Variants in CDYL observed in about 807,000 individuals in gnomAD.
CDYL encodes the protein chromodomain Y-like protein.
A neutral mutation model predicts 47.3 loss-of-function variants in CDYL; 8 were observed. The observed-to-expected ratio is 0.17, with a 90% CI of 0.10 to 0.31. The LOEUF is 0.31. CDYL is among the 10% of genes least tolerant of loss of function. The probability of loss-of-function intolerance (pLI) is 1.00; values close to 1 mark genes in which losing one functional copy is unlikely to be tolerated. For synonymous variants in CDYL, 266 were observed against 265.0 expected (o/e 1.00, Z -0.04); for missense variants, 471 against 701.4 (o/e 0.67, Z 3.71).
At chr6:4,734,880 T>TC in intron 3 of CDYL, 1 of 1,612,452 alleles carries the variant, frequency 6.2e-7, no homozygotes, top group Non-Finnish European at 8.5e-7. Flanking sequence ...AAGCTTGGAG[T>TC]CCATCTGGCA....
chr6:4,883,902 C>A (rs144905961), intron 1 of CDYL, among the ~76,000 whole-genome samples: 1 of 152,284 alleles, frequency 6.6e-6, no homozygotes, highest in Non-Finnish European at 1.5e-5. Flanking sequence ...TCCATCAGAT[C>A]CTGTAGTCCT....
chr6:4,723,856 T>A (rs1047955494), intron 2 of CDYL, among the ~76,000 whole-genome samples: 1 of 152,204 alleles, frequency 6.6e-6, no homozygotes, highest in Non-Finnish European at 1.5e-5. Flanking sequence ...AAAAACTGAG[T>A]GTTTAGGTCT....
Position 4,892,288 on chromosome 6 carries a change from G to A in CDYL, c.600G>A (p.Met200Ile), listed in dbSNP as rs1312045097. ...GCCCCGGTGCCGAGAGGGCCAGGAT[G>A]GGGAGCAGGCCCAGGATACACCCAC... is the stretch of plus-strand genomic sequence containing the variant. Reference protein sequence around the residue: ...LLGPGAERARMGSRPRIHPLV... With the variant: ...LLGPGAERARIGSRPRIHPLV... Residue 200 changes from methionine to isoleucine, a missense_variant, in exon 2 of 7, where the codon ATG (methionine) becomes ATA (isoleucine). By Grantham distance (10) the Met-to-Ile change is conservative (BLOSUM62 1). This residue lies in a region of CDYL where 311 missense variants were observed against 350.0 expected (regional missense o/e 0.89). Coordinates refer to ENST00000397588, the MANE Select transcript of CDYL (RefSeq NM_004824.4). The A allele has an allele frequency of 6.2e-7, 1 of 1,614,166 alleles. No homozygotes were observed. Among genetic ancestry groups the A allele is most frequent in the South Asian group, 1.1e-5 (1 of 91,080 alleles).
chr6:4,769,928 C>T lies in CDYL; in HGVS notation c.186+35084C>T, dbSNP rs367649518. On this transcript the variant is annotated intron_variant, in intron 3 of 8. Transcript: ENST00000328908. ...TCTCCTGCCTCAGCCTCCCAAGTAGCGGGGACTACAGGCGACCGCCACCAC... is the reference window on the plus strand; with the variant it reads ...TCTCCTGCCTCAGCCTCCCAAGTAGTGGGGACTACAGGCGACCGCCACCAC... 1.7e-4 allele frequency among the ~76,000 whole-genome samples: 25 copies of T among 151,434 alleles called. No individual in the cohort carries two copies. The East Asian group carries it at 2.9e-3, about 18-fold the overall frequency.
intron 2 of CDYL, among the ~76,000 whole-genome samples, chr6:4,925,167 A>G (rs1343697523): frequency 2.0e-5 from 3 of 152,172 alleles, no homozygotes; most frequent in African/African-American, 7.2e-5. Flanking sequence ...GCGGTTGTGC[A>G]TTCACTGACT....
chr6:4,914,209 T>TTC (rs1472809500), intron 2 of CDYL, among the ~76,000 whole-genome samples: 12 of 150,712 alleles, frequency 8.0e-5, no homozygotes, highest in African/African-American at 2.9e-4. Context: ...AGAGTTCTTT[T>TTC]TTTTTTTTTT....
At chr6:4,895,786 C>T (rs1238069946) in intron 2 of CDYL, among the ~76,000 whole-genome samples, 3 of 152,176 alleles carry the variant, frequency 2.0e-5, no homozygotes, top group Non-Finnish European at 4.4e-5. Context: ...CAACAAGAAC[C>T]TTCATTCCTT....
In CDYL at chr6:4,815,074, G is replaced by T. The variant is rs1434459295; in HGVS notation, c.24+38267G>T. 1.9e-4 allele frequency among the ~76,000 whole-genome samples: 28 copies of T among 149,482 alleles called. 1 individual carries two copies. The highest frequency in any genetic ancestry group is 1.8e-3 in the Admixed American group (27 of 14,610). On this transcript the variant is annotated intron_variant, in intron 1 of 6. Transcript: ENST00000397588. ...ATCCCAAAGTCCGATTTTTAAAGCT[G>T]CCAGTAGGAACTTGAGCTTTAATAG... is the stretch of plus-strand genomic sequence containing the variant.
At chr6:4,717,298 T>C (rs979048124) in intron 2 of CDYL, among the ~76,000 whole-genome samples, 3 of 152,182 alleles carry the variant, frequency 2.0e-5, no homozygotes, top group Non-Finnish European at 4.4e-5. Flanking sequence ...CTCCTACAGC[T>C]TCCAGAGCCT....
intron 1 of CDYL, among the ~76,000 whole-genome samples, chr6:4,818,431 A>G (rs1409208497): frequency 6.6e-6 from 1 of 152,088 alleles, no homozygotes; most frequent in African/African-American, 2.4e-5. Context: ...ATGCGGTGTG[A>G]GGTATGTACA....
intron 2 of CDYL, among the ~76,000 whole-genome samples, chr6:4,924,970 G>T (rs981883866): frequency 6.6e-6 from 1 of 152,176 alleles, no homozygotes; most frequent in Non-Finnish European, 1.5e-5. Flanking sequence ...TCTTGAAAAA[G>T]GACAGCAGAA....
chr6:4,873,812 G>C (rs2127474437), intron 1 of CDYL, among the ~76,000 whole-genome samples: 1 of 152,308 alleles, frequency 6.6e-6, no homozygotes, highest in Admixed American at 6.5e-5. Flanking sequence ...AGCCTGGTTT[G>C]AAACCGCCAA....
chr6:4,840,963 G>A (rs1354462132), intron 1 of CDYL, among the ~76,000 whole-genome samples: 1 of 151,974 alleles, frequency 6.6e-6, no homozygotes, highest in African/African-American at 2.4e-5. Context: ...TCTTTATCTT[G>A]TGGAATAGTG....
At chr6:4,746,059 A>G (rs1285337775) in intron 3 of CDYL, among the ~76,000 whole-genome samples, 1 of 152,106 alleles carries the variant, frequency 6.6e-6, no homozygotes, top group African/African-American at 2.4e-5. Flanking sequence ...CATCCAATGC[A>G]TGCTTTAGAA....
intron 1 of CDYL, among the ~76,000 whole-genome samples, chr6:4,835,613 A>G (rs1760277307): frequency 6.6e-6 from 1 of 152,222 alleles, no homozygotes; most frequent in African/African-American, 2.4e-5. Context: ...GCTGTCAGAC[A>G]GGGACATTTA....
chr6:4,713,562 A>T (rs1354086844), intron 1 of CDYL, among the ~76,000 whole-genome samples: 1 of 147,082 alleles, frequency 6.8e-6, no homozygotes, highest in African/African-American at 2.7e-5. Context: ...CTGAATACAG[A>T]GTCTTAAAAC....
chr6:4,915,657 A>C (rs1757536913), intron 2 of CDYL, among the ~76,000 whole-genome samples: 1 of 152,238 alleles, frequency 6.6e-6, no homozygotes, highest in South Asian at 2.1e-4. Context: ...GACAGATAAT[A>C]GGTGCCCTGA....
chr6:4,710,291 GAGAA>G (rs1299614488), intron 1 of CDYL, among the ~76,000 whole-genome samples: 1 of 146,390 alleles, frequency 6.8e-6, no homozygotes, highest in Admixed American at 7.0e-5. Flanking sequence ...TCTGCAGAAA[GAGAA>G]AGAGGAAGGA....
Position 4,707,380 on chromosome 6 carries a change from C to T in CDYL, c.-39+1129C>T, listed in dbSNP as rs192676803. Among the ~76,000 whole-genome samples the T allele has an allele frequency of 5.4e-3, 816 of 152,264 alleles. 7 individuals carry two copies. The highest frequency in any genetic ancestry group is 0.019 in the African/African-American group (771 of 41,548). On this transcript the variant is annotated intron_variant, in intron 1 of 8. Coordinates refer to the CDYL transcript ENST00000328908. ...GCAAACTCTGTCTCCTGGGTTCAAGCGATTCTCCTGCCTCAGCCTCCTGAG... is the reference window on the plus strand; with the variant it reads ...GCAAACTCTGTCTCCTGGGTTCAAGTGATTCTCCTGCCTCAGCCTCCTGAG...
Sources: gnomAD v4.1 joint callset for allele counts (sites outside exome capture counted in the v4.1 genomes callset) on GRCh38, gnomAD v4.1.1 for gene constraint, gnomAD v4.1.1 regional missense constraint, MANE v1.5 for transcripts, NCBI Gene and HGNC (gene_info 2026-07-23, HGNC 2026-07-21) for gene names.